The following MIPEP variants were observed in gnomAD, a reference collection of about 807,000 sequenced individuals.
MIPEP encodes the protein mitochondrial intermediate peptidase.
MIPEP carries 79 observed loss-of-function variants against 90.3 expected under a neutral mutation model. That is an observed-to-expected ratio of 0.87 (90% CI 0.73 to 1.05). The LOEUF (loss-of-function observed/expected upper bound fraction) is 1.05. Ranked by LOEUF, MIPEP falls within the 50% of genes least tolerant of loss-of-function variation. MIPEP has a pLI of 0.00. For missense variants in MIPEP, 940 were observed against 905.6 expected (o/e 1.04, Z -0.49); for synonymous variants, 334 against 315.8 (o/e 1.06, Z -0.61).
At chr13:23,743,138 G>A (rs1054702798) in intron 18 of MIPEP, among the ~76,000 whole-genome samples, 1 of 152,224 alleles carries the variant, frequency 6.6e-6, no homozygotes, top group Non-Finnish European at 1.5e-5. Context: ...AAGGAGGTTT[G>A]AGTATTCTCA....
chr13:23,733,439 A>C (rs1273256501), intron 18 of MIPEP, among the ~76,000 whole-genome samples: 1 of 152,224 alleles, frequency 6.6e-6, no homozygotes, highest in Non-Finnish European at 1.5e-5. Context: ...CAGGGCAACC[A>C]ACAGAAAAGG....
intron 10 of MIPEP, among the ~76,000 whole-genome samples, chr13:23,858,238 A>C (rs1264179514): frequency 6.6e-6 from 1 of 152,156 alleles, no homozygotes; most frequent in Non-Finnish European, 1.5e-5. Flanking sequence ...TTACAGAAAT[A>C]GTGTGTCTGT....
rs771324897 is a variant in MIPEP, at chr13:23,836,270, GT to G, written c.1622del (p.Asn541ThrfsTer52). The G allele has an allele frequency of 6.9e-6, 11 of 1,604,092 alleles. No individual in the cohort carries two copies. The South Asian group carries it at 1.2e-4, about 18-fold the overall frequency. ...CAGTCTGATAATGTCTGGCAAATTG[GT>G]TAACTACTCGATAATCATTTGCAAA... Reference protein sequence around the residue: ...EYFANDYRVVNQFARHYQTGQ... With the variant: ...EYFANDYRVVXQFARHYQTGQ... On this transcript the variant is annotated frameshift_variant, in exon 14 of 19. Transcript: ENST00000382172. LOFTEE classifies it high-confidence loss of function.
At chr13:23,812,985 T>C (rs536144019) in intron 14 of MIPEP, among the ~76,000 whole-genome samples, 2 of 152,154 alleles carry the variant, frequency 1.3e-5, no homozygotes, top group Admixed American at 6.5e-5. Flanking sequence ...GTGCTATACA[T>C]AGAAAAGTAA....
chr13:23,875,539 T>G (rs966612119), intron 4 of MIPEP, among the ~76,000 whole-genome samples: 4 of 151,902 alleles, frequency 2.6e-5, no homozygotes, highest in African/African-American at 7.2e-5. Flanking sequence ...CCTTTTTTTT[T>G]TTGTCAATGG....
At chr13:23,828,685 T>C (rs1304621255) in intron 14 of MIPEP, among the ~76,000 whole-genome samples, 1 of 152,190 alleles carries the variant, frequency 6.6e-6, no homozygotes, top group Non-Finnish European at 1.5e-5. Flanking sequence ...TGGAGAGATA[T>C]GCCATATTCA....
At chr13:23,823,295 A>C (rs1953330815) in intron 14 of MIPEP, among the ~76,000 whole-genome samples, 1 of 152,216 alleles carries the variant, frequency 6.6e-6, no homozygotes, top group Admixed American at 6.5e-5. Flanking sequence ...CTCATTTGTA[A>C]AATGAGGATA....
intron 1 of MIPEP, among the ~76,000 whole-genome samples, chr13:23,887,234 A>AG: frequency 6.6e-6 from 1 of 152,222 alleles, no homozygotes; most frequent in Non-Finnish European, 1.5e-5. Flanking sequence ...TCACTGATCT[A>AG]ATGGTAATGA....
At chr13:23,850,460 G>A (rs988625875) in intron 10 of MIPEP, among the ~76,000 whole-genome samples, 1 of 152,180 alleles carries the variant, frequency 6.6e-6, no homozygotes, top group Admixed American at 6.5e-5. Context: ...CTTGACTTCT[G>A]AAGCTAGTGG....
chr13:23,851,804 C>T (rs1214020808), intron 10 of MIPEP, among the ~76,000 whole-genome samples: 1 of 152,052 alleles, frequency 6.6e-6, no homozygotes, highest in Non-Finnish European at 1.5e-5. Flanking sequence ...GAGTGATCCT[C>T]CCACCTGAGC....
At chr13:23,861,972 A>G (rs1347808904) in intron 9 of MIPEP, among the ~76,000 whole-genome samples, 1 of 152,238 alleles carries the variant, frequency 6.6e-6, no homozygotes, top group Non-Finnish European at 1.5e-5. Flanking sequence ...TGCCAGATGA[A>G]GCCTCCACTG....
chr13:23,730,246 A>G lies in MIPEP; in HGVS notation c.*102T>C, dbSNP rs549715912. 1.3e-6 allele frequency: 1 copy of G among 742,192 alleles called. No individual in the cohort carries two copies. The highest frequency in any genetic ancestry group is 2.7e-5 in the East Asian group (1 of 36,618). 46.0% of individuals were successfully genotyped at this position (742,192 alleles called of 1,614,324 possible). ...CCAGTTTAAAGTTTTTCAGAATTAC[A>G]GAAGCGAACAATGAAATCAGAAACA... On this transcript the variant is annotated 3_prime_UTR_variant, in exon 19 of 19. Transcript: ENST00000382172.
At chr13:23,829,341 C>A (rs967192326) in intron 14 of MIPEP, among the ~76,000 whole-genome samples, 1 of 151,984 alleles carries the variant, frequency 6.6e-6, no homozygotes, top group Non-Finnish European at 1.5e-5. Flanking sequence ...ACAGTGAAAT[C>A]CTGTCTCTAT....
At chr13:23,888,683 C>G (rs1871635339) in intron 1 of MIPEP, 10 of 990,984 alleles carry the variant, frequency 1.0e-5, no homozygotes, top group Non-Finnish European at 1.2e-5. Context: ...ATTACCATTA[C>G]TCGACTGCAG....
At chr13:23,860,784 CA>C (rs977116311) in intron 9 of MIPEP, among the ~76,000 whole-genome samples, 1 of 152,078 alleles carries the variant, frequency 6.6e-6, no homozygotes, top group African/African-American at 2.4e-5. Flanking sequence ...TCGAGTGGAG[CA>C]AAAACAAAAG....
At chr13:23,757,802 T>C (rs1952503204) in intron 17 of MIPEP, among the ~76,000 whole-genome samples, 1 of 152,234 alleles carries the variant, frequency 6.6e-6, no homozygotes, top group Admixed American at 6.5e-5. Flanking sequence ...TTTGGAATAA[T>C]TTTTGTAGAC....
intron 16 of MIPEP, among the ~76,000 whole-genome samples, chr13:23,793,968 G>GTT (rs1330006133): frequency 6.6e-6 from 1 of 152,030 alleles, no homozygotes; most frequent in African/African-American, 2.4e-5. Context: ...AGCCATTGAG[G>GTT]GTTTTAAGGG....
chr13:23,885,939 A>G (rs1240996690), intron 2 of MIPEP, among the ~76,000 whole-genome samples: 1 of 150,664 alleles, frequency 6.6e-6, no homozygotes, highest in Non-Finnish European at 1.5e-5. Context: ...GAAAAAGGGG[A>G]ATTTTGTTGT....
In MIPEP at chr13:23,837,644, A is replaced by AAAGG; in HGVS notation, c.1450_1451insCCTT (p.Leu484SerfsTer6). ...ATTTTCCATCATGCTAGGAGTTAGC[A>AAAGG]AAGTTGGAGAACTCCTTGAGGAACG... On this transcript the variant is annotated frameshift_variant, in exon 13 of 19. Coordinates refer to ENST00000382172, the MANE Select transcript of MIPEP (RefSeq NM_005932.4). LOFTEE classifies it high-confidence loss of function. 1.9e-6 allele frequency: 3 copies of AAAGG among 1,613,756 alleles called. No individual in the cohort carries two copies. Among genetic ancestry groups the AAAGG allele is most frequent in the Non-Finnish European group, 1.7e-6 (2 of 1,179,600 alleles).
Sources: gnomAD v4.1 joint callset for allele counts (sites outside exome capture counted in the v4.1 genomes callset) on GRCh38, gnomAD v4.1.1 for gene constraint, MANE v1.5 for transcripts, NCBI Gene and HGNC (gene_info 2026-07-23, HGNC 2026-07-21) for gene names.